Variants in SLC8A2 observed in about 807,000 individuals in gnomAD.
The protein encoded by SLC8A2 is solute carrier family 8 member A2.
SLC8A2 carries 14 observed loss-of-function variants against 70.2 expected under a neutral mutation model. That is an observed-to-expected ratio of 0.20 (90% confidence interval 0.13 to 0.31). SLC8A2 has a LOEUF of 0.31. SLC8A2 is among the 10% of genes least tolerant of loss of function. The pLI is 1.00. For synonymous variants in SLC8A2, 575 were observed against 594.3 expected (o/e 0.97, Z 0.47); for missense variants, 779 against 1,320.1 (o/e 0.59, Z 6.35).
chr19:47,443,631 G>A (rs1247352581), intron 4 of SLC8A2, among the ~76,000 whole-genome samples: 4 of 152,130 alleles, frequency 2.6e-5, no homozygotes, highest in Non-Finnish European at 2.9e-5. Context: ...TGGCGACATC[G>A]CCACCCTGCA....
chr19:47,434,309 C>T (rs777130988), intron 8 of SLC8A2, among the ~76,000 whole-genome samples: 4 of 152,170 alleles, frequency 2.6e-5, no homozygotes, highest in Non-Finnish European at 4.4e-5. Flanking sequence ...TGGCATTCTG[C>T]GGACTCTGGC....
intron 1 of SLC8A2, among the ~76,000 whole-genome samples, chr19:47,469,065 G>A (rs1470161548): frequency 4.6e-5 from 7 of 152,144 alleles, no homozygotes; most frequent in East Asian, 1.9e-4. Flanking sequence ...GGGAGGCAGC[G>A]TGTTGGCAGA....
At chr19:47,439,364 C>T (rs920237418) in intron 6 of SLC8A2, among the ~76,000 whole-genome samples, 1 of 152,000 alleles carries the variant, frequency 6.6e-6, no homozygotes, top group Non-Finnish European at 1.5e-5. Context: ...CCCATCTCTA[C>T]TAAAAAATAC....
Position 47,460,359 on chromosome 19 carries a change from A to G in SLC8A2, c.676-2765T>C, listed in dbSNP as rs114563469. ...ATGAGCACCTGCATTCCTAGTGCAC[A>G]GCATTCTCAGTTTCTGACACATGGA... On this transcript the variant is annotated intron_variant, in intron 2 of 9. Transcript: ENST00000236877. Among the ~76,000 whole-genome samples the G allele has an allele frequency of 2.9e-3, 446 of 152,358 alleles. 3 individuals carry two copies. Among genetic ancestry groups the G allele is most frequent in the African/African-American group, 0.01 (418 of 41,592 alleles).
At chr19:47,455,644 AAAG>A (rs765757143) in intron 3 of SLC8A2, among the ~76,000 whole-genome samples, 14 of 152,242 alleles carry the variant, frequency 9.2e-5, no homozygotes, top group Non-Finnish European at 1.6e-4. Flanking sequence ...AAATCATTGA[AAAG>A]AACATACTGT....
intron 6 of SLC8A2, among the ~76,000 whole-genome samples, chr19:47,438,219 T>C (rs830160): frequency 0.1 from 15,974 of 152,134 alleles, 893 homozygotes; most frequent in Middle Eastern, 0.16. Context: ...GCTGTGAGAC[T>C]TTAGGCAATA....
At position 47,457,117 on chromosome 19, in the gene SLC8A2, C is replaced by A. The variant is rs890988836; in HGVS notation, c.1153G>T (p.Ala385Ser). 3.9e-6 allele frequency: 6 copies of A among 1,548,344 alleles called. No individual in the cohort carries two copies. The Admixed American group carries it at 9.9e-5, about 25-fold the overall frequency. ...GCGCCGTCGTCTTCGTCCTCGCCCG[C>A]GCCCTCGGCCGGCGCCGCCCTGCGC... ...ASRRAAPAEG[A>S]GEDEDDGASR... is the part of the protein sequence containing the mutation. The change falls in exon 3 of 10, where the codon GCG becomes TCG. Residue 385 changes from alanine (A) to serine (S), a missense_variant. By Grantham distance (99) the Ala-to-Ser change is moderately conservative (BLOSUM62 1). Around this residue, in one of 6 missense-constraint regions of SLC8A2, gnomAD observed 186 missense variants for 246.6 expected, o/e 0.75. Coordinates refer to ENST00000236877, the MANE Select transcript of SLC8A2 (RefSeq NM_015063.3).
At chr19:47,457,746 TTTTCTTTC>T in intron 2 of SLC8A2, 152 bp from the exon 3 acceptor site, 2 of 379,822 alleles carry the variant, frequency 5.3e-6, no homozygotes, top group South Asian at 9.5e-5. Context: ...TTTCTGTTTC[TTTTCTTTC>T]TTTCTTTCTT....
Position 47,448,376 on chromosome 19 carries a change from C to T in SLC8A2, c.1341-145G>A, listed in dbSNP as rs1177118766. 1 of 636,034 alleles carries T rather than the reference C, an allele frequency of 1.6e-6. No homozygotes were observed. Among genetic ancestry groups the T allele is most frequent in the Non-Finnish European group, 2.7e-6 (1 of 370,434 alleles). The allele number at this position is 636,034 out of a possible 1,614,324, so 39.4% of individuals were successfully genotyped here. A position where few individuals can be genotyped will look rare whatever the true frequency, so the allele number is the denominator to read the frequency against. ...AGTATGAGGGTCGACAGGCATTAAA[C>T]AAGTAATACTGAGGGTGAATCGGGG... On this transcript the variant is annotated intron_variant, in intron 3 of 9. Transcript: ENST00000236877. This position sits in a 1 kb window ranked among gnomAD's most constrained non-coding sequence, Gnocchi z 4.8.
At position 47,466,345 on chromosome 19, in the gene SLC8A2, C is replaced by T; in HGVS notation, c.59G>A (p.Gly20Glu). 4.8e-6 allele frequency: 7 copies of T among 1,458,628 alleles called. No homozygotes were observed. In the South Asian group the frequency reaches 9.8e-5, roughly 20 times the overall value. 90.4% of individuals were successfully genotyped at this position (1,458,628 alleles called of 1,614,324 possible). Residue 20 changes from glycine to glutamate, a missense_variant, in exon 2 of 10, where the codon GGG becomes GAG. Gly to Glu is a moderately conservative substitution (Grantham distance 98). This residue lies in a region of SLC8A2 where 65 missense variants were observed against 61.3 expected (regional missense o/e 1.06). Coordinates refer to ENST00000236877, the MANE Select transcript of SLC8A2 (RefSeq NM_015063.3). The surrounding 1 kb of genome is among the most constrained non-coding windows in gnomAD (Gnocchi z 6.9). ...CAGGGAGGGGGTTGGGGTGGCTGCC[C>T]CGGAGCATGGGGGAGCCGCCAGGAG... ...TLLLAAPPCSGAATPTPSLPP... is the reference protein window; with the variant it reads ...TLLLAAPPCSEAATPTPSLPP...
At chr19:47,458,221 A>G (rs1599857080) in intron 2 of SLC8A2, among the ~76,000 whole-genome samples, 1 of 87,552 alleles carries the variant, frequency 1.1e-5, no homozygotes, top group Non-Finnish European at 2.1e-5. Context: ...CTGACTGTTC[A>G]TCTCTGCCTC....
At chr19:47,462,692 A>G (rs1277155464) in intron 2 of SLC8A2, among the ~76,000 whole-genome samples, 1 of 148,904 alleles carries the variant, frequency 6.7e-6, no homozygotes, top group Non-Finnish European at 1.5e-5. Flanking sequence ...GGTTCAAGCG[A>G]TTCTCCTGCC....
intron 3 of SLC8A2, 76 bp downstream of exon 3, chr19:47,456,854 A>T: frequency 7.1e-7 from 1 of 1,405,292 alleles, no homozygotes; most frequent in South Asian, 1.4e-5. Flanking sequence ...GGAGGCGAAG[A>T]GCCTGGAGGC....
chr19:47,454,204 G>T (rs148067514), intron 3 of SLC8A2, among the ~76,000 whole-genome samples: 1 of 152,202 alleles, frequency 6.6e-6, no homozygotes, highest in Non-Finnish European at 1.5e-5. Context: ...AAAGTGGGCT[G>T]TTATCCCAGG....
At chr19:47,452,870 T>C (rs1299234822) in intron 3 of SLC8A2, among the ~76,000 whole-genome samples, 1 of 151,816 alleles carries the variant, frequency 6.6e-6, no homozygotes, top group African/African-American at 2.4e-5. Context: ...CCATCTCTAC[T>C]AAAAATACAA....
At position 47,432,160 on chromosome 19, in the gene SLC8A2, G is replaced by T; in HGVS notation, c.2389+7C>A. The T allele has an allele frequency of 6.2e-7, 1 of 1,600,218 alleles. No individual in the cohort carries two copies. The highest frequency in any genetic ancestry group is 8.5e-7 in the Non-Finnish European group (1 of 1,171,570). On this transcript the variant is annotated splice_region_variant and intron_variant, in intron 9 of 9. Coordinates refer to ENST00000236877, the MANE Select transcript of SLC8A2 (RefSeq NM_015063.3). The surrounding 1 kb of genome is among the most constrained non-coding windows in gnomAD (Gnocchi z 6.2). ...TCCTACCCCACCAAAGTCTCCCAGGGTGTTACCAGGGATGGAGGTGCCCAG... is the reference window on the plus strand; with the variant it reads ...TCCTACCCCACCAAAGTCTCCCAGGTTGTTACCAGGGATGGAGGTGCCCAG...
At chr19:47,437,626 G>A in intron 7 of SLC8A2, 65 bp from the exon 8 acceptor site, 11 of 1,359,544 alleles carry the variant, frequency 8.1e-6, no homozygotes, top group Non-Finnish European at 1.2e-5. Flanking sequence ...TCCATGTTGG[G>A]TCCTGGGTCG....
At chr19:47,433,518 T>C (rs1966989107) in intron 8 of SLC8A2, among the ~76,000 whole-genome samples, 1 of 152,232 alleles carries the variant, frequency 6.6e-6, no homozygotes. Context: ...AACAGAGGGT[T>C]TCTGGAAAGC....
chr19:47,435,946 T>C lies in SLC8A2; in HGVS notation c.2110+1516A>G, dbSNP rs548755802. Among the ~76,000 whole-genome samples, 8 of 152,264 alleles carry C rather than the reference T, an allele frequency of 5.3e-5. No homozygotes were observed. In the South Asian group the frequency reaches 1.7e-3, roughly 32 times the overall value. Reference sequence around the variant, plus strand: ...GGCTTCCCCCATTCAAAACCCTCCATGGCTCCCCAGTGTGTTCAAATGCCA... The same window carrying C: ...GGCTTCCCCCATTCAAAACCCTCCACGGCTCCCCAGTGTGTTCAAATGCCA... On this transcript the variant is annotated intron_variant, in intron 8 of 9. Coordinates refer to ENST00000236877, the MANE Select transcript of SLC8A2 (RefSeq NM_015063.3).
Sources: gnomAD v4.1 joint callset for allele counts (sites outside exome capture counted in the v4.1 genomes callset) on GRCh38, gnomAD v4.1.1 for gene constraint, gnomAD v4.1.1 regional missense constraint, Gnocchi (gnomAD v3.1) non-coding constraint, MANE v1.5 for transcripts, NCBI Gene and HGNC (gene_info 2026-07-23, HGNC 2026-07-21) for gene names.